The following HAGH variants were observed in gnomAD, a reference collection of about 807,000 sequenced individuals.
HAGH encodes hydroxyacylglutathione hydrolase, mitochondrial.
In HAGH, 29 loss-of-function variants were observed where a neutral mutation model predicts 35.1. The ratio of observed to expected loss-of-function variants is 0.83; its 90% CI spans 0.62 to 1.13. The LOEUF is 1.13. Among genes scored for constraint, HAGH ranks in the 50% most tolerant of loss-of-function variants. HAGH has a pLI of 0.00. For synonymous variants in HAGH, 225 were observed against 176.1 expected (o/e 1.28, Z -2.20); for missense variants, 478 against 419.6 (o/e 1.14, Z -1.22).
upstream of HAGH, chr16:1,826,994 G>GGCC: frequency 1.6e-6 from 1 of 636,778 alleles, no homozygotes; most frequent in Non-Finnish European, 2.5e-6. Flanking sequence ...GCCTGGGAGC[G>GGCC]GCGGCGGCGG....
chr16:1,819,771 C>T, intron 4 of HAGH, 126 bp downstream of exon 4: 4 of 709,096 alleles, frequency 5.6e-6, no homozygotes, highest in Non-Finnish European at 7.6e-6. Flanking sequence ...CACGCTGCCA[C>T]AGAGGACCAC....
chr16:1,821,944 GTTTTTTTGT>G (rs1190926009), intron 3 of HAGH: 11 of 35,322 alleles, frequency 3.1e-4, no homozygotes, highest in East Asian at 1.8e-3. Flanking sequence ...GTTTTTTTTT[GTTTTTTTGT>G]TTTTTTTTTT....
At chr16:1,827,136 C>T (rs1410835449), upstream of HAGH, 1 of 1,481,464 alleles carries the variant, frequency 6.8e-7, no homozygotes, top group Non-Finnish European at 9.1e-7. Context: ...CGGGCCGTCG[C>T]TGCGGGGGAC....
chr16:1,817,320 T>C (rs1897951197), intron 5 of HAGH, 49 bp from the exon 6 acceptor site: 1 of 1,195,906 alleles, frequency 8.4e-7, no homozygotes, highest in Non-Finnish European at 1.3e-6. Context: ...GGCTGGTGGC[T>C]AGGACTCAGG....
rs145161829 is a variant in HAGH at position 1,809,324 on chromosome 16, C to A, written c.886G>T (p.Val296Leu). Residue 296 changes from valine to leucine, a missense_variant, in exon 9 of 9, where the codon GTG (valine) becomes TTG (leucine). By Grantham distance (32) the Val-to-Leu change is conservative. Coordinates refer to ENST00000397356, the MANE Select transcript of HAGH (RefSeq NM_005326.6). ...ETDPVTTMRA[V>L]RREKDQFKMP... ...TTGAACTGGTCCTTCTCCCTGCGCA[C>A]GGCCCGCATGGTGGTCACCGGGTCC... 116 of 1,613,508 alleles carry A rather than the reference C, an allele frequency of 7.2e-5. No homozygotes were observed. The highest frequency in any genetic ancestry group is 9.4e-5 in the Non-Finnish European group (111 of 1,179,764).
At chr16:1,823,602 G>C (rs941435425) in intron 1 of HAGH, among the ~76,000 whole-genome samples, 1 of 151,518 alleles carries the variant, frequency 6.6e-6, no homozygotes, top group Non-Finnish European at 1.5e-5. Flanking sequence ...AATTAGCCAG[G>C]CATGGTGGTG....
At position 1,822,284 on chromosome 16, in the gene HAGH, G is replaced by A; in HGVS notation, c.314+16C>T. On this transcript the variant is annotated intron_variant, in intron 3 of 8. Coordinates refer to ENST00000397356, the MANE Select transcript of HAGH (RefSeq NM_005326.6). Reference sequence around the variant, plus strand: ...TGAGCCAGGTCCCACACCCCCAGGTGAGACGCGGCACTTACCAGTGGTGGT... The same window carrying A: ...TGAGCCAGGTCCCACACCCCCAGGTAAGACGCGGCACTTACCAGTGGTGGT... 6.3e-7 allele frequency: 1 copy of A among 1,579,116 alleles called. No individual in the cohort carries two copies. Among genetic ancestry groups the A allele is most frequent in the Non-Finnish European group, 8.7e-7 (1 of 1,148,978 alleles).
At chr16:1,824,744 A>G (rs565326922) in intron 1 of HAGH, among the ~76,000 whole-genome samples, 2 of 152,320 alleles carry the variant, frequency 1.3e-5, no homozygotes, top group Non-Finnish European at 2.9e-5. Context: ...TATAGTTTCA[A>G]TCACTGCACA....
intron 3 of HAGH, among the ~76,000 whole-genome samples, chr16:1,820,232 C>A (rs1016152750): frequency 6.6e-6 from 1 of 150,406 alleles, no homozygotes; most frequent in Non-Finnish European, 1.5e-5. Flanking sequence ...CCTGGGGTTA[C>A]CACCTGCACG....
intron 4 of HAGH, 76 bp downstream of exon 4, chr16:1,819,821 G>C (rs1567259341): frequency 3.4e-6 from 3 of 880,410 alleles, no homozygotes; most frequent in East Asian, 4.8e-5. Context: ...GGAGCAGAGA[G>C]AATGCGGGGA....
In HAGH at chr16:1,826,731, G is replaced by A; in HGVS notation, c.57C>T (p.Ala19=). ...GRRSLAALGA[A]CARRGLGPAL... ...ACCCACCGAGGCCTCGGCGGGCGCA[G>A]GCGGCTCCCAGCGCGGCGAGGCTGC... The change falls in exon 1 of 9, where the codon GCC becomes GCT. Residue 19 remains alanine, a synonymous_variant. Coordinates refer to ENST00000397356, the MANE Select transcript of HAGH (RefSeq NM_005326.6). 19 of 1,171,096 alleles carry A rather than the reference G, an allele frequency of 1.6e-5. No individual in the cohort carries two copies. Among genetic ancestry groups the A allele is most frequent in the South Asian group, 4.2e-5 (1 of 24,016 alleles). 72.5% of individuals were successfully genotyped at this position (1,171,096 alleles called of 1,614,324 possible). A position where few individuals can be genotyped will look rare whatever the true frequency, so the allele number is the denominator to read the frequency against.
At position 1,817,200 on chromosome 16, in the gene HAGH, G is replaced by A; in HGVS notation, c.613C>T (p.Leu205=). 6.2e-7 allele frequency: 1 copy of A among 1,612,642 alleles called. No homozygotes were observed. The highest frequency in any genetic ancestry group is 8.5e-7 in the Non-Finnish European group (1 of 1,178,616). Residue 205 remains leucine, a synonymous_variant, in exon 6 of 9, where the codon CTG becomes TTG. Coordinates refer to ENST00000397356, the MANE Select transcript of HAGH (RefSeq NM_005326.6). ...GTADEMCKAL[L]EVLGRLPPDT... ...GGGGGGAGCCGGCCCAAGACCTCCA[G>A]CAGAGCTTTACACATCTCATCCGCA...
chr16:1,819,266 G>C, intron 4 of HAGH, 43 bp from the exon 5 acceptor site: 4 of 1,304,932 alleles, frequency 3.1e-6, no homozygotes, highest in Middle Eastern at 1.9e-4. Flanking sequence ...AGACACCCTG[G>C]AGAGCCATCT....
Position 1,819,112 on chromosome 16 carries a change from C to CACCTGTGAACACGG in HAGH, c.530_541+2dup. 1 of 1,584,860 alleles carries CACCTGTGAACACGG rather than the reference C, an allele frequency of 6.3e-7. No homozygotes were observed. Among genetic ancestry groups the CACCTGTGAACACGG allele is most frequent in the South Asian group, 1.1e-5 (1 of 90,472 alleles). ...CCGCCCCCACCCACACTCGAACACG[C>CACCTGTGAACACGG]ACCTGTGAACACGGCAGGGGGCTCC... is the stretch of plus-strand genomic sequence containing the variant. On this transcript the variant is annotated splice_region_variant and intron_variant, in intron 5 of 8. Coordinates refer to ENST00000397356, the MANE Select transcript of HAGH (RefSeq NM_005326.6).
At chr16:1,819,092 C>G in intron 5 of HAGH, 23 bp downstream of exon 5, 1 of 1,460,902 alleles carries the variant, frequency 6.8e-7, no homozygotes, top group Non-Finnish European at 9.6e-7. Flanking sequence ...AACCCCCGCC[C>G]CCACCCACAC....
In HAGH at chr16:1,809,774, G is replaced by T; in HGVS notation, c.807C>A (p.Tyr269Ter). The change falls in exon 8 of 9, where the codon TAC becomes TAA. Residue 269 changes from tyrosine (Y) to a stop codon, truncating the protein, a stop_gained. Transcript: ENST00000397356. LOFTEE classifies it high-confidence loss of function. ...VPSTLAEEFTYNPFMRVREKT... is the reference protein window; with the variant it reads ...VPSTLAEEFT The stretch of plus-strand genomic sequence containing the variant: ...CTCACCTCACTCTCATGAAGGGGTT[G>T]TAGGTAAACTCCTCTGCCAGGGTGG... 6.2e-7 allele frequency: 1 copy of T among 1,613,348 alleles called. No homozygotes were observed. Among genetic ancestry groups the T allele is most frequent in the Non-Finnish European group, 8.5e-7 (1 of 1,179,268 alleles).
In HAGH at chr16:1,819,274, T is replaced by C. The variant is rs1016536740; in HGVS notation, c.433-51A>G. On this transcript the variant is annotated intron_variant, in intron 4 of 8. Transcript: ENST00000397356. ...TGCTCCCAGACACCCTGGAGAGCCA[T>C]CTCCCGGGGTCACGGCGCGCCGCCT... is the stretch of plus-strand genomic sequence containing the variant. 7.4e-6 allele frequency: 9 copies of C among 1,219,730 alleles called. No homozygotes were observed. In the Admixed American group the frequency reaches 7.8e-5, roughly 11 times the overall value. The allele number at this position is 1,219,730 out of a possible 1,614,324, so 75.6% of individuals were successfully genotyped here.
intron 1 of HAGH, among the ~76,000 whole-genome samples, chr16:1,825,100 C>G (rs950180253): frequency 1.3e-5 from 2 of 152,104 alleles, no homozygotes; most frequent in African/African-American, 4.8e-5. Flanking sequence ...GGGCGGATCG[C>G]GGGGTCAGGA....
Position 1,817,270 on chromosome 16 carries a change from A to G in HAGH, c.543T>C (p.Gly181=). 1 of 1,604,142 alleles carries G rather than the reference A, an allele frequency of 6.2e-7. No homozygotes were observed. The highest frequency in any genetic ancestry group is 8.5e-7 in the Non-Finnish European group (1 of 1,170,970). ...GGSEPPAVFT[G]DTLFVAGCGK... Reference sequence around the variant, plus strand: ...CGCAGCCAGCCACAAACAAGGTGTCACCTGGAAACAAGGACAGCCACGAGG... The same window carrying G: ...CGCAGCCAGCCACAAACAAGGTGTCGCCTGGAAACAAGGACAGCCACGAGG... The change falls in exon 6 of 9, where the codon GGT becomes GGC. Residue 181 remains glycine (G), a splice_region_variant and synonymous_variant. Coordinates refer to ENST00000397356, the MANE Select transcript of HAGH (RefSeq NM_005326.6).
Sources: allele counts gnomAD v4.1 joint callset (sites outside exome capture counted in the v4.1 genomes callset), GRCh38; gene constraint gnomAD v4.1.1; transcripts MANE v1.5; gene names NCBI Gene and HGNC (gene_info 2026-07-23, HGNC 2026-07-21).